Variants in ARB2A observed in about 807,000 individuals in gnomAD.
ARB2A encodes the protein cotranscriptional regulator ARB2A.
At chr5:93,649,160 A>G in the ARB2A span, among the ~76,000 whole-genome samples, 1 of 152,202 alleles carries the variant, frequency 6.6e-6, no homozygotes, top group Non-Finnish European at 1.5e-5. Flanking sequence ...TTGTTTAAAA[A>G]TGCATTATTT....
the ARB2A span, among the ~76,000 whole-genome samples, chr5:93,906,811 C>T: frequency 2.6e-5 from 4 of 151,458 alleles, no homozygotes; most frequent in African/African-American, 9.7e-5. Context: ...TTTAGTAAGC[C>T]AGGAATCGGA....
the ARB2A span, among the ~76,000 whole-genome samples, chr5:93,915,120 C>G: frequency 6.6e-6 from 1 of 152,028 alleles, no homozygotes; most frequent in Admixed American, 6.6e-5. Context: ...GAATTAGTAA[C>G]TTTCTACTTT....
the ARB2A span, among the ~76,000 whole-genome samples, chr5:93,814,435 A>G: frequency 2.6e-4 from 40 of 152,330 alleles, no homozygotes; most frequent in African/African-American, 7.5e-4. Flanking sequence ...AAAACTAACC[A>G]TAGCTCTGGG....
the ARB2A span, among the ~76,000 whole-genome samples, chr5:93,704,239 C>T: frequency 6.6e-6 from 1 of 152,132 alleles, no homozygotes; most frequent in African/African-American, 2.4e-5. Context: ...AGTATGCCAA[C>T]AGGAGAAATG....
chr5:93,958,770 T>A, the ARB2A span: 1 of 1,485,572 alleles, frequency 6.7e-7, no homozygotes, highest in Non-Finnish European at 9.0e-7. Context: ...CAGGAAATTG[T>A]ACTTACAGCC....
chr5:93,736,170 T>A, the ARB2A span: 1 of 152,252 alleles, frequency 6.6e-6, no homozygotes, highest in African/African-American at 2.4e-5. Context: ...TTTGTGGCCA[T>A]CATATTTCCA....
the ARB2A span, among the ~76,000 whole-genome samples, chr5:93,826,754 C>A: frequency 9.1e-6 from 1 of 109,530 alleles, no homozygotes; most frequent in Non-Finnish European, 1.8e-5. Context: ...CCTCCCCCCA[C>A]CCCACAACAG....
the ARB2A span, among the ~76,000 whole-genome samples, chr5:93,727,481 GT>G: frequency 1.3e-5 from 2 of 152,116 alleles, no homozygotes; most frequent in African/African-American, 4.8e-5. Flanking sequence ...AAAACCCTCA[GT>G]GTTCTCAGAA....
At chr5:93,806,871 C>A in the ARB2A span, among the ~76,000 whole-genome samples, 3 of 151,816 alleles carry the variant, frequency 2.0e-5, no homozygotes, top group African/African-American at 7.3e-5. Context: ...GAAATAGTGA[C>A]CTGTTAAAAA....
chr5:93,637,333 G>T, the ARB2A span, among the ~76,000 whole-genome samples: 1 of 146,660 alleles, frequency 6.8e-6, no homozygotes, highest in African/African-American at 2.5e-5. Flanking sequence ...TTCTCCTGTT[G>T]AAGGACATTT....
At chr5:93,722,344 T>C in the ARB2A span, among the ~76,000 whole-genome samples, 3 of 152,242 alleles carry the variant, frequency 2.0e-5, no homozygotes, top group East Asian at 5.8e-4. Flanking sequence ...TCTTAAAACT[T>C]TGTTTAGTTA....
At chr5:93,972,767 T>C in the ARB2A span, among the ~76,000 whole-genome samples, 1 of 152,110 alleles carries the variant, frequency 6.6e-6, no homozygotes, top group Non-Finnish European at 1.5e-5. Flanking sequence ...AAATGGAACT[T>C]CTGGTATTGA....
chr5:94,096,642 T>C, the ARB2A span, among the ~76,000 whole-genome samples: 1 of 152,202 alleles, frequency 6.6e-6, no homozygotes. Flanking sequence ...ATTATCAATC[T>C]AGACGATGAT....
At chr5:93,815,880 A>C in the ARB2A span, among the ~76,000 whole-genome samples, 1 of 152,182 alleles carries the variant, frequency 6.6e-6, no homozygotes, top group African/African-American at 2.4e-5. Flanking sequence ...ACTCTGATAT[A>C]ACTCCCTGGT....
At chr5:93,846,423 G>T in the ARB2A span, among the ~76,000 whole-genome samples, 6 of 151,838 alleles carry the variant, frequency 4.0e-5, no homozygotes, top group Non-Finnish European at 8.8e-5. Context: ...AATTGCTTGA[G>T]CCCAGGAATT....
chr5:93,926,642 T>A, the ARB2A span, among the ~76,000 whole-genome samples: 11 of 152,046 alleles, frequency 7.2e-5, no homozygotes, highest in African/African-American at 2.4e-4. Context: ...CTATGGTGGA[T>A]GCGATAAAAT....
the ARB2A span, among the ~76,000 whole-genome samples, chr5:93,814,220 T>C: frequency 6.6e-6 from 1 of 152,180 alleles, no homozygotes; most frequent in Non-Finnish European, 1.5e-5. Context: ...TAAATAAATC[T>C]ACAATCAACA....
chr5:93,856,155 C>A, the ARB2A span, among the ~76,000 whole-genome samples: 7 of 152,268 alleles, frequency 4.6e-5, no homozygotes, highest in African/African-American at 1.2e-4. Context: ...CCAAGAGATC[C>A]GCTGTTAGTC....
chr5:93,889,703 C>T, the ARB2A span, among the ~76,000 whole-genome samples: 2 of 151,944 alleles, frequency 1.3e-5, no homozygotes, highest in East Asian at 3.9e-4. Context: ...AAATGCTACA[C>T]TACCTCATGG....
Sources: allele counts gnomAD v4.1 joint callset (sites outside exome capture counted in the v4.1 genomes callset), GRCh38; gene constraint gnomAD v4.1.1; transcripts MANE v1.5; gene names NCBI Gene and HGNC (gene_info 2026-07-23, HGNC 2026-07-21).